MYO9A: variants seen among roughly 807,000 people sequenced by gnomAD.
The protein encoded by MYO9A is unconventional myosin-IXa.
Under a neutral mutation model 293.3 loss-of-function variants are expected in MYO9A, and 103 were observed. That is an observed-to-expected ratio of 0.35 (90% CI 0.30 to 0.41). MYO9A has a LOEUF of 0.41. Ranked by LOEUF, MYO9A falls within the 10% of genes least tolerant of loss-of-function variation. MYO9A has a pLI of 1.00. For synonymous variants in MYO9A, 1,001 were observed against 1,035.7 expected, an observed-to-expected ratio of 0.97 and a Z score of 0.64; for missense variants, 2,685 against 3,033.0, an observed-to-expected ratio of 0.89 and a Z score of 2.69.
intron 1 of MYO9A, among the ~76,000 whole-genome samples, chr15:72,107,364 C>G (rs2080606432): frequency 6.6e-6 from 1 of 152,098 alleles, no homozygotes; most frequent in Non-Finnish European, 1.5e-5. Context: ...GCCTGGTCAA[C>G]ATGGTGAAAC....
intron 26 of MYO9A, among the ~76,000 whole-genome samples, chr15:71,888,792 T>C (rs939202920): frequency 6.6e-6 from 1 of 152,212 alleles, no homozygotes; most frequent in Admixed American, 6.5e-5. Context: ...TTTTCTGTAG[T>C]TATAATATTC....
At chr15:71,905,278 T>C (rs1219768095) in intron 19 of MYO9A, among the ~76,000 whole-genome samples, 1 of 152,172 alleles carries the variant, frequency 6.6e-6, no homozygotes, top group East Asian at 1.9e-4. Flanking sequence ...TTTTTTTCAC[T>C]TTTCTTCACA....
intron 1 of MYO9A, among the ~76,000 whole-genome samples, chr15:72,065,486 C>T (rs930613302): frequency 6.7e-6 from 1 of 149,020 alleles, no homozygotes; most frequent in Non-Finnish European, 1.5e-5. Context: ...CTGCACTCCA[C>T]CCTGGGCAAC....
At chr15:72,025,160 T>A (rs901268296) in intron 4 of MYO9A, among the ~76,000 whole-genome samples, 1 of 151,814 alleles carries the variant, frequency 6.6e-6, no homozygotes, top group Non-Finnish European at 1.5e-5. Flanking sequence ...GCAAGCAATA[T>A]CCAAAAGCAA....
intron 1 of MYO9A, among the ~76,000 whole-genome samples, chr15:72,092,124 G>C (rs1001317299): frequency 6.6e-6 from 1 of 152,174 alleles, no homozygotes; most frequent in African/African-American, 2.4e-5. Flanking sequence ...CTGAAGCCAG[G>C]TTAGCTACTG....
At chr15:72,097,706 A>AAG (rs1443890791) in intron 1 of MYO9A, among the ~76,000 whole-genome samples, 3 of 152,140 alleles carry the variant, frequency 2.0e-5, no homozygotes, top group Admixed American at 1.3e-4. Flanking sequence ...TCAAGAGATC[A>AAG]AGACCATCCT....
At chr15:71,892,990 T>G (rs1304083289) in intron 26 of MYO9A, 8 of 1,283,250 alleles carry the variant, frequency 6.2e-6, no homozygotes, top group Non-Finnish European at 7.1e-6. Context: ...GTGAGAGGCC[T>G]GACCCAGGCT....
chr15:72,022,921 G>A (rs117746333), intron 4 of MYO9A, among the ~76,000 whole-genome samples: 2,529 of 152,112 alleles, frequency 0.017, 44 homozygotes, highest in Non-Finnish European at 0.025. Flanking sequence ...CAGTATAGCC[G>A]ATACAAAGTA....
chr15:71,990,754 C>CAAA (rs11422716), intron 11 of MYO9A, among the ~76,000 whole-genome samples: 1 of 129,356 alleles, frequency 7.7e-6, no homozygotes, highest in South Asian at 2.5e-4. Flanking sequence ...GAGACTCAGT[C>CAAA]AAAAAAAAAA....
At chr15:71,852,663 G>A (rs1179189147) in intron 35 of MYO9A, among the ~76,000 whole-genome samples, 4 of 152,120 alleles carry the variant, frequency 2.6e-5, no homozygotes, top group African/African-American at 7.2e-5. Context: ...ATGCCCGGCC[G>A]GCTTCATGTT....
chr15:72,058,559 C>T (rs2078787663), intron 1 of MYO9A, among the ~76,000 whole-genome samples: 1 of 152,064 alleles, frequency 6.6e-6, no homozygotes, highest in Non-Finnish European at 1.5e-5. Context: ...AAGAATAAAA[C>T]AATACACGTA....
intron 28 of MYO9A, among the ~76,000 whole-genome samples, chr15:71,882,251 T>C (rs933642229): frequency 6.6e-6 from 1 of 152,182 alleles, no homozygotes; most frequent in African/African-American, 2.4e-5. Context: ...TTACCATATA[T>C]CCACCTTGGA....
intron 1 of MYO9A, among the ~76,000 whole-genome samples, chr15:72,084,224 G>T (rs1470859148): frequency 6.6e-6 from 1 of 152,178 alleles, no homozygotes; most frequent in Non-Finnish European, 1.5e-5. Flanking sequence ...TTGTTGAAAT[G>T]AACCCTTTAC....
intron 14 of MYO9A, among the ~76,000 whole-genome samples, chr15:71,952,310 A>ATC (rs1234792439): frequency 2.0e-5 from 3 of 152,238 alleles, no homozygotes; most frequent in African/African-American, 7.2e-5. Flanking sequence ...CAATTTACTT[A>ATC]AACAATTCTT....
intron 1 of MYO9A, among the ~76,000 whole-genome samples, chr15:72,109,023 A>T (rs1331696350): frequency 6.6e-6 from 1 of 152,124 alleles, no homozygotes; most frequent in Non-Finnish European, 1.5e-5. Flanking sequence ...TCGGCTTTCC[A>T]AAGTGCTGGG....
chr15:72,040,170 C>G (rs773361299), intron 2 of MYO9A: 1 of 152,814 alleles, frequency 6.5e-6, no homozygotes, highest in Admixed American at 6.5e-5. Flanking sequence ...GCTGGGAGCC[C>G]GTAGATAGGC....
At chr15:72,059,926 G>A (rs2078831215) in intron 1 of MYO9A, among the ~76,000 whole-genome samples, 1 of 152,114 alleles carries the variant, frequency 6.6e-6, no homozygotes, top group Non-Finnish European at 1.5e-5. Flanking sequence ...TAGTTTTATA[G>A]TTCTTAATCC....
chr15:72,071,239 C>T (rs1008017513), intron 1 of MYO9A, among the ~76,000 whole-genome samples: 3 of 152,172 alleles, frequency 2.0e-5, no homozygotes, highest in Middle Eastern at 3.4e-3. Flanking sequence ...GGGCAAAGGA[C>T]AGGAACGGCA....
At chr15:71,833,991 C>A (rs1369024855) in intron 39 of MYO9A, among the ~76,000 whole-genome samples, 1 of 151,518 alleles carries the variant, frequency 6.6e-6, no homozygotes, top group African/African-American at 2.4e-5. Context: ...TAATAAATTC[C>A]CCCTGCAACA....
Sources: allele counts gnomAD v4.1 joint callset (sites outside exome capture counted in the v4.1 genomes callset), GRCh38; gene constraint gnomAD v4.1.1; transcripts MANE v1.5; gene names NCBI Gene and HGNC (gene_info 2026-07-23, HGNC 2026-07-21).